Variants in PPARGC1A observed in about 807,000 individuals in gnomAD.
PPARGC1A encodes peroxisome proliferator-activated receptor gamma coactivator 1-alpha.
In PPARGC1A, 25 loss-of-function variants were observed where a neutral mutation model predicts 88.7. The observed-to-expected ratio is 0.28, with a 90% CI of 0.21 to 0.39. The LOEUF (loss-of-function observed/expected upper bound fraction) is 0.39, where lower values mean the gene tolerates loss of function less well. Ranked by LOEUF, PPARGC1A falls within the 10% of genes least tolerant of loss-of-function variation. PPARGC1A has a pLI of 1.00. For missense variants in PPARGC1A, 880 were observed against 968.7 expected, an observed-to-expected ratio of 0.91 and a Z score of 1.22; for synonymous variants, 363 against 355.6, an observed-to-expected ratio of 1.02 and a Z score of -0.24.
At chr4:24,157,744 C>T in the PPARGC1A span, among the ~76,000 whole-genome samples, 1 of 152,068 alleles carries the variant, frequency 6.6e-6, no homozygotes, top group Admixed American at 6.6e-5. Context: ...CTGATCCAAC[C>T]CCATCTTTCC....
At chr4:23,877,625 T>C (rs892976178) in intron 2 of PPARGC1A, 4 of 152,012 alleles carry the variant, frequency 2.6e-5, no homozygotes, top group Non-Finnish European at 4.4e-5. Flanking sequence ...TGAAATTGTT[T>C]TACATCACAG....
chr4:24,236,270 G>A, the PPARGC1A span, among the ~76,000 whole-genome samples: 1 of 152,020 alleles, frequency 6.6e-6, no homozygotes, highest in African/African-American at 2.4e-5. Flanking sequence ...TTTATCTAAG[G>A]ACAAAAAACA....
the PPARGC1A span, among the ~76,000 whole-genome samples, chr4:24,195,101 T>C: frequency 6.6e-6 from 1 of 152,220 alleles, no homozygotes; most frequent in South Asian, 2.1e-4. Flanking sequence ...TCTCATCTAC[T>C]CTGTTAAATG....
At chr4:23,800,181 G>A (rs1718409746) in intron 12 of PPARGC1A, among the ~76,000 whole-genome samples, 1 of 152,030 alleles carries the variant, frequency 6.6e-6, no homozygotes, top group Admixed American at 6.6e-5. Context: ...CCAACCCAGA[G>A]AAAGTGCATA....
At chr4:23,979,636 C>T in the PPARGC1A span, among the ~76,000 whole-genome samples, 1 of 152,168 alleles carries the variant, frequency 6.6e-6, no homozygotes, top group South Asian at 2.1e-4. Context: ...AGCAGAGCAA[C>T]TTAAAACTTA....
intron 2 of PPARGC1A, among the ~76,000 whole-genome samples, chr4:23,873,152 T>G (rs1387162438): frequency 7.0e-6 from 1 of 142,246 alleles, no homozygotes; most frequent in African/African-American, 2.6e-5. Context: ...GAGCCAAGAT[T>G]GTGCCTCTGC....
chr4:24,122,324 G>A, the PPARGC1A span, among the ~76,000 whole-genome samples: 1 of 151,824 alleles, frequency 6.6e-6, no homozygotes, highest in Admixed American at 6.6e-5. Flanking sequence ...ATAGGGTAGA[G>A]AGGAAGGTGC....
At chr4:24,219,810 C>T in the PPARGC1A span, among the ~76,000 whole-genome samples, 1 of 152,154 alleles carries the variant, frequency 6.6e-6, no homozygotes. Context: ...ATTCTGAACT[C>T]ACACCTCCAC....
the PPARGC1A span, among the ~76,000 whole-genome samples, chr4:24,357,044 T>G: frequency 2.6e-5 from 4 of 152,192 alleles, no homozygotes; most frequent in East Asian, 5.8e-4. Flanking sequence ...CGGGTAATAC[T>G]AGAGCTTCTT....
the PPARGC1A span, among the ~76,000 whole-genome samples, chr4:24,121,038 T>C: frequency 1.3e-5 from 2 of 152,212 alleles, no homozygotes; most frequent in Non-Finnish European, 2.9e-5. Context: ...TTGCCATTCC[T>C]GTAAGCTACT....
At chr4:23,836,639 C>G (rs1726072615) in intron 2 of PPARGC1A, among the ~76,000 whole-genome samples, 1 of 152,170 alleles carries the variant, frequency 6.6e-6, no homozygotes, top group Non-Finnish European at 1.5e-5. Context: ...AGCTGAGTCC[C>G]TCTATGACCT....
chr4:24,035,535 G>A, the PPARGC1A span, among the ~76,000 whole-genome samples: 2 of 151,784 alleles, frequency 1.3e-5, no homozygotes, highest in African/African-American at 4.8e-5. Context: ...GATGGAGCAA[G>A]ATTCTGTCTC....
At chr4:24,121,148 G>A in the PPARGC1A span, among the ~76,000 whole-genome samples, 2 of 152,326 alleles carry the variant, frequency 1.3e-5, no homozygotes, top group African/African-American at 4.8e-5. Flanking sequence ...TTCCAGTGGG[G>A]CTGGATCAGA....
At chr4:23,888,929 G>T in intron 1 of PPARGC1A, 1 of 984,676 alleles carries the variant, frequency 1.0e-6, no homozygotes, top group Non-Finnish European at 1.2e-6. Context: ...TTCAATTCGA[G>T]TCCATCTCAC....
At chr4:23,973,262 A>G in the PPARGC1A span, among the ~76,000 whole-genome samples, 1 of 152,190 alleles carries the variant, frequency 6.6e-6, no homozygotes, top group African/African-American at 2.4e-5. Flanking sequence ...TAGCTACAAT[A>G]TCAGGTTCTC....
chr4:24,467,080 GGGAGAGAGAGA>G, the PPARGC1A span, among the ~76,000 whole-genome samples: 1 of 143,758 alleles, frequency 7.0e-6, no homozygotes. Context: ...AAGAAAGAAA[GGGAGAGAGAGA>G]GAGAGAGAGA....
chr4:24,383,527 C>A, the PPARGC1A span, among the ~76,000 whole-genome samples: 1 of 152,050 alleles, frequency 6.6e-6, no homozygotes, highest in Non-Finnish European at 1.5e-5. Context: ...TAGAGAAGAA[C>A]ATAAATGACC....
chr4:24,203,264 C>T, the PPARGC1A span, among the ~76,000 whole-genome samples: 3 of 152,148 alleles, frequency 2.0e-5, no homozygotes, highest in Admixed American at 6.5e-5. Context: ...CCAGGCCGGA[C>T]GTGGTGGCTC....
At chr4:24,300,164 C>G in the PPARGC1A span, among the ~76,000 whole-genome samples, 7 of 151,970 alleles carry the variant, frequency 4.6e-5, no homozygotes, top group Non-Finnish European at 8.8e-5. Context: ...TTACAGAAAC[C>G]GTTTACATTC....
Sources: gnomAD v4.1 joint callset for allele counts (sites outside exome capture counted in the v4.1 genomes callset) on GRCh38, gnomAD v4.1.1 for gene constraint, MANE v1.5 for transcripts, NCBI Gene and HGNC (gene_info 2026-07-23, HGNC 2026-07-21) for gene names.